The following DOCK3 variants were observed in gnomAD, a reference collection of about 807,000 sequenced individuals.
DOCK3 encodes dedicator of cytokinesis 3.
Under a neutral mutation model 265.6 loss-of-function variants are expected in DOCK3, and 60 were observed. The ratio of observed to expected loss-of-function variants is 0.23; its 90% CI spans 0.18 to 0.28. DOCK3 has a LOEUF of 0.28. DOCK3 is among the 10% of genes least tolerant of loss of function. DOCK3 has a pLI of 1.00. For synonymous variants in DOCK3, 881 were observed against 938.0 expected (o/e 0.94, Z 1.11); for missense variants, 1,981 against 2,594.3 (o/e 0.76, Z 5.14).
At chr3:51,346,815 T>G (rs1373855417) in intron 38 of DOCK3, among the ~76,000 whole-genome samples, 6 of 152,234 alleles carry the variant, frequency 3.9e-5, no homozygotes, top group Non-Finnish European at 1.5e-5. Flanking sequence ...TTCCTGACTT[T>G]TTAATGATCA....
intron 38 of DOCK3, among the ~76,000 whole-genome samples, chr3:51,348,054 T>C (rs930682972): frequency 2.0e-5 from 3 of 152,002 alleles, no homozygotes; most frequent in South Asian, 2.1e-4. Flanking sequence ...GACAATGGGG[T>C]TTTCTAAGTA....
intron 4 of DOCK3, among the ~76,000 whole-genome samples, chr3:50,911,087 A>G (rs1027828549): frequency 1.3e-5 from 2 of 151,864 alleles, no homozygotes; most frequent in African/African-American, 4.8e-5. Flanking sequence ...TAGTTCGCAA[A>G]TATTTCCCCC....
chr3:51,220,272 A>G lies in DOCK3; in HGVS notation c.1253-5377A>G, dbSNP rs554210095. ...TTGTACTGAAAGAAAGTCAGTTCTC[A>G]TCTTACATGATCTTAAGGAAGAGAA... On this transcript the variant is annotated intron_variant, in intron 14 of 52. Transcript: ENST00000266037. Among the ~76,000 whole-genome samples, 136 of 152,308 alleles carry G rather than the reference A, an allele frequency of 8.9e-4. 1 individual carries two copies. Among genetic ancestry groups the G allele is most frequent in the African/African-American group, 3.2e-3 (132 of 41,566 alleles).
At chr3:50,777,290 A>T (rs2041662096) in intron 1 of DOCK3, among the ~76,000 whole-genome samples, 2 of 152,056 alleles carry the variant, frequency 1.3e-5, no homozygotes, top group Non-Finnish European at 2.9e-5. Flanking sequence ...CATTGGTCTA[A>T]CTGCTTATTT....
intron 37 of DOCK3, among the ~76,000 whole-genome samples, chr3:51,340,205 A>G (rs2085149156): frequency 1.3e-5 from 2 of 152,204 alleles, no homozygotes; most frequent in South Asian, 2.1e-4. Flanking sequence ...CAGGGATTTT[A>G]ACAGAGAAAG....
At chr3:50,756,302 CT>C (rs1212262944) in intron 1 of DOCK3, among the ~76,000 whole-genome samples, 1 of 152,146 alleles carries the variant, frequency 6.6e-6, no homozygotes, top group East Asian at 1.9e-4. Flanking sequence ...ATGCTTGAGT[CT>C]GCTCGCCCAA....
intron 2 of DOCK3, among the ~76,000 whole-genome samples, chr3:50,800,827 C>T (rs2043030297): frequency 6.6e-6 from 1 of 151,962 alleles, no homozygotes; most frequent in Non-Finnish European, 1.5e-5. Flanking sequence ...CTTAATACTG[C>T]TTTTGCTGTG....
At chr3:50,755,821 G>T (rs1458212377) in intron 1 of DOCK3, among the ~76,000 whole-genome samples, 1 of 152,128 alleles carries the variant, frequency 6.6e-6, no homozygotes, top group Non-Finnish European at 1.5e-5. Context: ...GTGCATCTGT[G>T]TTATAGCATG....
intron 3 of DOCK3, among the ~76,000 whole-genome samples, chr3:50,857,136 A>G (rs896037323): frequency 4.0e-5 from 6 of 151,884 alleles, no homozygotes; most frequent in African/African-American, 1.5e-4. Context: ...ATAGTTTTCT[A>G]TTTTTGTTGT....
chr3:51,194,046 T>C (rs1351530861), intron 12 of DOCK3, among the ~76,000 whole-genome samples: 3 of 152,174 alleles, frequency 2.0e-5, no homozygotes, highest in Non-Finnish European at 2.9e-5. Context: ...TTTATTACTA[T>C]AAAATTCCCT....
At chr3:51,356,894 A>G in intron 43 of DOCK3, 68 bp from the exon 44 acceptor site, 2 of 1,499,928 alleles carry the variant, frequency 1.3e-6, no homozygotes, top group Non-Finnish European at 1.8e-6. Flanking sequence ...CTTAGACCCC[A>G]GCTCTCAGGA....
At chr3:50,724,991 CA>C (rs34882214) in intron 1 of DOCK3, among the ~76,000 whole-genome samples, 122,306 of 139,824 alleles carry the variant, frequency 0.87, 53,281 homozygotes, top group African/African-American at 0.91. Flanking sequence ...GATTCTGTCT[CA>C]AAAAAAAAAA....
At chr3:51,366,617 T>C (rs1341345486) in intron 49 of DOCK3, among the ~76,000 whole-genome samples, 1 of 152,268 alleles carries the variant, frequency 6.6e-6, no homozygotes, top group Non-Finnish European at 1.5e-5. Flanking sequence ...CTTTCTCTTG[T>C]GGGTATTTAG....
intron 27 of DOCK3, among the ~76,000 whole-genome samples, chr3:51,288,597 TAAA>T (rs137976463): frequency 3.3e-5 from 5 of 151,406 alleles, no homozygotes; most frequent in African/African-American, 7.3e-5. Context: ...GAACCTAAAA[TAAA>T]AAAAGAAAAA....
At chr3:51,152,821 G>A (rs941324504) in intron 10 of DOCK3, among the ~76,000 whole-genome samples, 4 of 152,210 alleles carry the variant, frequency 2.6e-5, no homozygotes, top group Non-Finnish European at 5.9e-5. Flanking sequence ...AGTATCACCA[G>A]CGGAGGCTGC....
intron 2 of DOCK3, among the ~76,000 whole-genome samples, chr3:50,823,281 T>C (rs1410443935): frequency 1.3e-5 from 2 of 152,126 alleles, no homozygotes; most frequent in East Asian, 3.9e-4. Flanking sequence ...AGGTCTCTGG[T>C]TTTCCTAGGC....
chr3:50,730,963 T>C (rs1466868526), intron 1 of DOCK3, among the ~76,000 whole-genome samples: 1 of 151,856 alleles, frequency 6.6e-6, no homozygotes, highest in Non-Finnish European at 1.5e-5. Context: ...ACCCCGTCTC[T>C]GCTAAAAATA....
At chr3:51,263,634 TAA>T (rs2079988807) in intron 23 of DOCK3, among the ~76,000 whole-genome samples, 1 of 152,154 alleles carries the variant, frequency 6.6e-6, no homozygotes, top group Non-Finnish European at 1.5e-5. Flanking sequence ...GCAAATTGGA[TAA>T]AGAGTCAAGA....
chr3:51,339,369 T>G (rs991292617), intron 37 of DOCK3, among the ~76,000 whole-genome samples: 4 of 152,170 alleles, frequency 2.6e-5, no homozygotes, highest in African/African-American at 9.7e-5. Context: ...TCACTCCTTA[T>G]GAACAGAGAG....
Sources: gnomAD v4.1 joint callset for allele counts (sites outside exome capture counted in the v4.1 genomes callset) on GRCh38, gnomAD v4.1.1 for gene constraint, MANE v1.5 for transcripts, NCBI Gene and HGNC (gene_info 2026-07-23, HGNC 2026-07-21) for gene names.